The following SNX29 variants were observed in gnomAD, a reference collection of about 807,000 sequenced individuals.
SNX29 encodes sorting nexin-29.
In SNX29, 78 loss-of-function variants were observed where a neutral mutation model predicts 102.1. That is an observed-to-expected ratio of 0.76 (90% CI 0.64 to 0.92). The LOEUF is 0.92. Ranked by LOEUF, SNX29 falls within the 40% of genes least tolerant of loss-of-function variation. The pLI, the probability that SNX29 is intolerant of heterozygous loss-of-function variation, is 0.00. For synonymous variants in SNX29, 580 were observed against 414.5 expected, an observed-to-expected ratio of 1.40 and a Z score of -4.85; for missense variants, 1,280 against 1,061.7, an observed-to-expected ratio of 1.21 and a Z score of -2.86.
intron 14 of SNX29, among the ~76,000 whole-genome samples, chr16:12,253,804 T>C (rs1260128861): frequency 2.0e-5 from 3 of 152,054 alleles, no homozygotes; most frequent in Non-Finnish European, 4.4e-5. Flanking sequence ...GTTAGGGTTT[T>C]GGAAGTTTGC....
At chr16:12,522,869 G>A (rs1242034710) in intron 19 of SNX29, among the ~76,000 whole-genome samples, 1 of 152,162 alleles carries the variant, frequency 6.6e-6, no homozygotes, top group East Asian at 1.9e-4. Flanking sequence ...GGAATGCGGT[G>A]GTGTGATCAT....
chr16:12,045,749 G>T (rs1284808462), intron 5 of SNX29, among the ~76,000 whole-genome samples: 1 of 151,626 alleles, frequency 6.6e-6, no homozygotes, highest in Non-Finnish European at 1.5e-5. Flanking sequence ...TCAGCCTCCC[G>T]AGTAGCTGGG....
chr16:12,073,875 A>T (rs1454613767), intron 10 of SNX29, among the ~76,000 whole-genome samples: 2 of 151,890 alleles, frequency 1.3e-5, no homozygotes, highest in African/African-American at 2.4e-5. Flanking sequence ...ATATATATTT[A>T]GGATAGTTAG....
In SNX29 at chr16:12,486,789, C is replaced by G. The variant is rs141676016; in HGVS notation, c.2178+8930C>G. Among the ~76,000 whole-genome samples, 870 of 152,336 alleles carry G rather than the reference C, an allele frequency of 5.7e-3. 14 individuals carry two copies. The highest frequency in any genetic ancestry group is 0.02 in the African/African-American group (820 of 41,572). ...TGGCCTGTCTCTCCGCCCACACCCA[C>G]CGCTCCACCCTTGCTTAGGGGCCAT... is the stretch of plus-strand genomic sequence containing the variant. On this transcript the variant is annotated intron_variant, in intron 19 of 20. Transcript: ENST00000566228.
At chr16:12,123,672 A>G (rs934210389) in intron 11 of SNX29, among the ~76,000 whole-genome samples, 2 of 152,116 alleles carry the variant, frequency 1.3e-5, no homozygotes, top group African/African-American at 4.8e-5. Context: ...GCCCCAACTG[A>G]TTGGCACAGT....
At chr16:12,553,384 T>G (rs2078112948) in intron 20 of SNX29, among the ~76,000 whole-genome samples, 1 of 152,176 alleles carries the variant, frequency 6.6e-6, no homozygotes, top group Admixed American at 6.5e-5. Flanking sequence ...GCTCTCAAGT[T>G]GAACATATAA....
Position 12,547,418 on chromosome 16 carries a change from T to C in SNX29, c.2319-21088T>C, listed in dbSNP as rs375770934. Reference sequence around the variant, plus strand: ...GATAGAACAGGTAGTTAGGGGACCATGTGGGCACCCCGGGGAGAGGGGATG... The same window carrying C: ...GATAGAACAGGTAGTTAGGGGACCACGTGGGCACCCCGGGGAGAGGGGATG... On this transcript the variant is annotated intron_variant, in intron 20 of 20. Transcript: ENST00000566228. 1.6e-4 allele frequency among the ~76,000 whole-genome samples: 25 copies of C among 152,232 alleles called. No individual in the cohort carries two copies. The East Asian group carries it at 3.1e-3, about 19-fold the overall frequency.
chr16:12,046,409 G>A lies in SNX29; in HGVS notation c.454G>A (p.Val152Met). 1 of 1,613,800 alleles carries A rather than the reference G, an allele frequency of 6.2e-7. No individual in the cohort carries two copies. Among genetic ancestry groups the A allele is most frequent in the Non-Finnish European group, 8.5e-7 (1 of 1,179,740 alleles). Residue 152 changes from valine (V) to methionine (M), a missense_variant, in exon 6 of 21, where the codon GTG becomes ATG. Coordinates refer to ENST00000566228, the MANE Select transcript of SNX29 (RefSeq NM_032167.5). ...LSTFYEDWSFVMDEERSSMLP... is the reference protein window; with the variant it reads ...LSTFYEDWSFMMDEERSSMLP... ...CACTTTTTATGAAGACTGGTCTTTT[G>A]TGATGGATGAAGAAAGGTCCAGTAT...
chr16:12,543,658 C>G (rs1413698304), intron 20 of SNX29, among the ~76,000 whole-genome samples: 2 of 152,246 alleles, frequency 1.3e-5, no homozygotes, highest in Admixed American at 6.5e-5. Context: ...TCTCCAGACG[C>G]TCTTCCAGCC....
At position 12,036,988 on chromosome 16, in the gene SNX29, G is replaced by A. The variant is rs555822116; in HGVS notation, c.248-5909G>A. Among the ~76,000 whole-genome samples, 7 of 152,074 alleles carry A rather than the reference G, an allele frequency of 4.6e-5. No homozygotes were observed. In the East Asian group the frequency reaches 1.2e-3, roughly 25 times the overall value. On this transcript the variant is annotated intron_variant, in intron 4 of 20. Coordinates refer to ENST00000566228, the MANE Select transcript of SNX29 (RefSeq NM_032167.5). ...TCTCCCAAATCTGTCTCCATCTGTCGTCCCTCACCACCGCTTCTCTGTGGT... is the reference window on the plus strand; with the variant it reads ...TCTCCCAAATCTGTCTCCATCTGTCATCCCTCACCACCGCTTCTCTGTGGT...
At chr16:12,477,976 G>T (rs143734800) in intron 19 of SNX29, 117 bp downstream of exon 19, 5 of 1,238,092 alleles carry the variant, frequency 4.0e-6, no homozygotes, top group Admixed American at 3.3e-5. Context: ...AGTTGGTGGA[G>T]ATAAGAAAAA....
intron 3 of SNX29, among the ~76,000 whole-genome samples, chr16:12,011,687 C>T (rs891614112): frequency 2.0e-5 from 3 of 152,086 alleles, no homozygotes; most frequent in Admixed American, 6.6e-5. Flanking sequence ...CCGTCATCTT[C>T]GTCATGAACC....
intron 18 of SNX29, among the ~76,000 whole-genome samples, chr16:12,409,884 G>A: frequency 6.6e-6 from 1 of 152,160 alleles, no homozygotes; most frequent in East Asian, 1.9e-4. Flanking sequence ...TGCGTCTAGC[G>A]ACCACAAATG....
At chr16:12,378,791 C>T (rs1436960030) in intron 16 of SNX29, among the ~76,000 whole-genome samples, 1 of 152,184 alleles carries the variant, frequency 6.6e-6, no homozygotes, top group Non-Finnish European at 1.5e-5. Flanking sequence ...GTTCTCACTG[C>T]TCCCTTCCGC....
At chr16:12,550,445 G>C (rs939705881) in intron 20 of SNX29, among the ~76,000 whole-genome samples, 1 of 150,244 alleles carries the variant, frequency 6.7e-6, no homozygotes, top group Admixed American at 6.7e-5. Context: ...TGAGGCAGGA[G>C]AATCACTTAA....
chr16:12,198,683 G>A lies in SNX29; in HGVS notation c.1596-918G>A, dbSNP rs901485966. On this transcript the variant is annotated intron_variant, in intron 13 of 20. Coordinates refer to ENST00000566228, the MANE Select transcript of SNX29 (RefSeq NM_032167.5). ...CGAAGAGTCCTTGTGGGCCTTGGGGGCAGGGAAACCTGGGTTCAGATCTTA... is the reference window on the plus strand; with the variant it reads ...CGAAGAGTCCTTGTGGGCCTTGGGGACAGGGAAACCTGGGTTCAGATCTTA... 3.3e-5 allele frequency among the ~76,000 whole-genome samples: 5 copies of A among 152,316 alleles called. No individual in the cohort carries two copies. In the East Asian group the frequency reaches 9.6e-4, roughly 29 times the overall value.
At chr16:12,132,455 C>T (rs1881073396) in intron 13 of SNX29, among the ~76,000 whole-genome samples, 4 of 152,170 alleles carry the variant, frequency 2.6e-5, no homozygotes, top group Admixed American at 2.6e-4. Flanking sequence ...GTCTTTGCAT[C>T]ATTACTTGCA....
intron 20 of SNX29, chr16:12,561,214 C>T (rs569422985): frequency 2.1e-4 from 49 of 230,910 alleles, no homozygotes; most frequent in Non-Finnish European, 3.6e-4. Context: ...CCCCCGCAGC[C>T]ATGCAGTACA....
At chr16:12,564,874 A>T (rs2078928046) in intron 20 of SNX29, among the ~76,000 whole-genome samples, 1 of 146,134 alleles carries the variant, frequency 6.8e-6, no homozygotes, top group Non-Finnish European at 1.5e-5. Flanking sequence ...TGAGAATTTC[A>T]CTCTGAGGAT....
Sources: allele counts gnomAD v4.1 joint callset (sites outside exome capture counted in the v4.1 genomes callset), GRCh38; gene constraint gnomAD v4.1.1; transcripts MANE v1.5; gene names NCBI Gene and HGNC (gene_info 2026-07-23, HGNC 2026-07-21).